Variants in MTHFD1L observed in about 807,000 individuals in gnomAD.
MTHFD1L encodes methylenetetrahydrofolate dehydrogenase (NADP+ dependent) 1 like.
A neutral mutation model predicts 119.5 loss-of-function variants in MTHFD1L; 81 were observed. The ratio of observed to expected loss-of-function variants is 0.68; its 90% CI spans 0.57 to 0.82. The LOEUF (loss-of-function observed/expected upper bound fraction) is 0.82, where lower values mean the gene tolerates loss of function less well. Among genes scored for constraint, MTHFD1L ranks in the 40% least tolerant of loss-of-function variants. The pLI is 0.00. For synonymous variants in MTHFD1L, 430 were observed against 475.2 expected, an observed-to-expected ratio of 0.90 and a Z score of 1.24; for missense variants, 1,125 against 1,253.4, an observed-to-expected ratio of 0.90 and a Z score of 1.55.
intron 8 of MTHFD1L, among the ~76,000 whole-genome samples, chr6:150,915,582 CTTTTTCT>C (rs564123820): frequency 6.6e-6 from 1 of 152,014 alleles, no homozygotes; most frequent in Non-Finnish European, 1.5e-5. Flanking sequence ...TGGAATGTAA[CTTTTTCT>C]TTTTTCTTTT....
chr6:150,970,206 T>TATTG (rs1010346427), intron 19 of MTHFD1L, among the ~76,000 whole-genome samples: 7 of 152,208 alleles, frequency 4.6e-5, no homozygotes, highest in African/African-American at 1.7e-4. Context: ...GGTTTAAGAA[T>TATTG]ATTGATTGAT....
chr6:151,039,228 G>A lies in MTHFD1L; in HGVS notation c.2847+2111G>A, dbSNP rs922234621. On this transcript the variant is annotated intron_variant, in intron 26 of 27. Coordinates refer to ENST00000367321, the MANE Select transcript of MTHFD1L (RefSeq NM_015440.5). This position sits in a 1 kb window ranked among gnomAD's most constrained non-coding sequence, Gnocchi z 4.4. ...CAGAAAAATCCCACAGACACCGCTC[G>A]TAGCAGTGTTGGCACAGGGAGAAGG... Among the ~76,000 whole-genome samples, 3 of 152,150 alleles carry A rather than the reference G, an allele frequency of 2.0e-5. No homozygotes were observed. The highest frequency in any genetic ancestry group is 4.4e-5 in the Non-Finnish European group (3 of 68,040).
intron 27 of MTHFD1L, among the ~76,000 whole-genome samples, chr6:151,101,214 T>C (rs959714545): frequency 1.1e-4 from 16 of 152,198 alleles, no homozygotes; most frequent in African/African-American, 3.6e-4. Flanking sequence ...CACAGGATCC[T>C]GCAAACTGTA....
At chr6:150,905,036 CTTTTTT>C (rs36039459) in intron 7 of MTHFD1L, among the ~76,000 whole-genome samples, 1 of 111,690 alleles carries the variant, frequency 9.0e-6, no homozygotes, top group African/African-American at 3.6e-5. Context: ...TTGTTTTCCT[CTTTTTT>C]TTTTTTTTTT....
intron 20 of MTHFD1L, among the ~76,000 whole-genome samples, chr6:150,988,918 T>G (rs999114276): frequency 1.7e-4 from 26 of 151,998 alleles, no homozygotes; most frequent in African/African-American, 6.3e-4. Flanking sequence ...TTTTGTATTT[T>G]TAGTAGAGAT....
At chr6:150,898,952 G>A (rs1205606666) in intron 7 of MTHFD1L, 1 of 1,061,704 alleles carries the variant, frequency 9.4e-7, no homozygotes, top group Non-Finnish European at 1.1e-6. Context: ...ATTCTCCTGT[G>A]AAAGGGAATT....
chr6:150,919,291 T>C (rs1323340603), intron 9 of MTHFD1L, among the ~76,000 whole-genome samples: 2 of 152,080 alleles, frequency 1.3e-5, no homozygotes, highest in Non-Finnish European at 2.9e-5. Flanking sequence ...TGGTGCGATC[T>C]TGGCTCACTG....
intron 13 of MTHFD1L, among the ~76,000 whole-genome samples, chr6:150,943,613 G>A (rs1418071987): frequency 1.3e-5 from 2 of 152,160 alleles, no homozygotes; most frequent in Non-Finnish European, 2.9e-5. Context: ...GGCCTTTCTT[G>A]TAAAAGTGAA....
intron 7 of MTHFD1L, among the ~76,000 whole-genome samples, chr6:150,898,680 T>G (rs1289848442): frequency 6.6e-6 from 1 of 152,116 alleles, no homozygotes; most frequent in African/African-American, 2.4e-5. Flanking sequence ...TTTCCTTAAT[T>G]TTGTACTAAA....
At chr6:151,049,999 T>C (rs756968566) in intron 26 of MTHFD1L, among the ~76,000 whole-genome samples, 1 of 151,982 alleles carries the variant, frequency 6.6e-6, no homozygotes, top group Non-Finnish European at 1.5e-5. Context: ...TCATGAAGTG[T>C]CCATAAAAAC....
At chr6:150,914,992 T>C (rs1256507063) in intron 8 of MTHFD1L, among the ~76,000 whole-genome samples, 1 of 152,230 alleles carries the variant, frequency 6.6e-6, no homozygotes, top group Non-Finnish European at 1.5e-5. Flanking sequence ...ACATATCTTT[T>C]ATTCACTTTG....
At chr6:150,920,980 T>C (rs1788816912) in intron 9 of MTHFD1L, among the ~76,000 whole-genome samples, 2 of 121,820 alleles carry the variant, frequency 1.6e-5, no homozygotes, top group Non-Finnish European at 3.3e-5. Context: ...AGACAGAGTT[T>C]AGCTCTTGTT....
chr6:151,006,124 G>C (rs978028378), intron 20 of MTHFD1L, among the ~76,000 whole-genome samples: 48 of 145,350 alleles, frequency 3.3e-4, no homozygotes, highest in African/African-American at 1.2e-3. Context: ...GAGACGGCAC[G>C]TCAGTGTACT....
chr6:151,053,186 T>C (rs1448535834), intron 26 of MTHFD1L, among the ~76,000 whole-genome samples: 3 of 152,232 alleles, frequency 2.0e-5, no homozygotes, highest in African/African-American at 7.2e-5. Flanking sequence ...TCCTCCACTT[T>C]CAACTTACTT....
intron 7 of MTHFD1L, among the ~76,000 whole-genome samples, chr6:150,902,285 C>T (rs760602747): frequency 9.2e-5 from 14 of 152,132 alleles, no homozygotes; most frequent in African/African-American, 2.7e-4. Flanking sequence ...AACTACTGCA[C>T]CCCCACACGC....
intron 19 of MTHFD1L, among the ~76,000 whole-genome samples, chr6:150,971,585 T>A (rs1033923375): frequency 5.6e-4 from 85 of 152,208 alleles, no homozygotes; most frequent in African/African-American, 2.0e-3. Context: ...ACCATCAGGG[T>A]TTAATTTCAT....
intron 11 of MTHFD1L, among the ~76,000 whole-genome samples, chr6:150,932,161 CAAAAAA>C (rs5880902): frequency 2.5e-5 from 1 of 39,474 alleles, no homozygotes; most frequent in Non-Finnish European, 4.3e-5. Context: ...GACTCCATCT[CAAAAAA>C]AAAAAAAAAA....
At chr6:151,020,408 A>C (rs1783788340) in intron 24 of MTHFD1L, among the ~76,000 whole-genome samples, 1 of 152,238 alleles carries the variant, frequency 6.6e-6, no homozygotes, top group Non-Finnish European at 1.5e-5. Context: ...AGTGAGAAAC[A>C]GGCTGCACTT....
At chr6:151,043,661 G>A (rs1787496766) in intron 26 of MTHFD1L, among the ~76,000 whole-genome samples, 1 of 152,164 alleles carries the variant, frequency 6.6e-6, no homozygotes, top group African/African-American at 2.4e-5. Context: ...CATTGACTTC[G>A]CATTGAGGCA....
Sources: allele counts gnomAD v4.1 joint callset (sites outside exome capture counted in the v4.1 genomes callset), GRCh38; gene constraint gnomAD v4.1.1; non-coding constraint Gnocchi (gnomAD v3.1); transcripts MANE v1.5; gene names NCBI Gene and HGNC (gene_info 2026-07-23, HGNC 2026-07-21).